Variants in SLC7A14 observed in about 807,000 individuals in gnomAD.
The protein encoded by SLC7A14 is solute carrier family 7 member 14.
SLC7A14 carries 37 observed loss-of-function variants against 60.2 expected under a neutral mutation model. The ratio of observed to expected loss-of-function variants is 0.61; its 90% CI spans 0.47 to 0.81. SLC7A14 has a LOEUF of 0.81. SLC7A14 is among the 30% of genes least tolerant of loss of function. The probability of loss-of-function intolerance (pLI) is 0.00; values close to 1 mark genes in which losing one functional copy is unlikely to be tolerated. For missense variants in SLC7A14, 886 were observed against 982.7 expected (o/e 0.90, Z 1.32); for synonymous variants, 399 against 395.8 (o/e 1.01, Z -0.10).
chr3:170,500,438 C>CA (rs66971540), intron 3 of SLC7A14, among the ~76,000 whole-genome samples: 945 of 55,532 alleles, frequency 0.017, 38 homozygotes, highest in Non-Finnish European at 0.023. Context: ...GACTCTGTCT[C>CA]AAAAAAAAAA....
intron 4 of SLC7A14, among the ~76,000 whole-genome samples, chr3:170,494,850 A>G (rs1050847293): frequency 6.6e-6 from 1 of 152,234 alleles, no homozygotes; most frequent in Non-Finnish European, 1.5e-5. Context: ...TTATTACCTT[A>G]CTACTTACTA....
chr3:170,466,344 C>T lies in SLC7A14; in HGVS notation c.*711G>A, dbSNP rs10936636. 54,831 of 151,932 alleles carry T rather than the reference C, an allele frequency of 0.36. 11,419 individuals are homozygous for T. The highest frequency in any genetic ancestry group is 0.47 in the Non-Finnish European group (32,233 of 67,924). 9.4% of individuals were successfully genotyped at this position (151,932 alleles called of 1,614,324 possible). A position where few individuals can be genotyped will look rare whatever the true frequency, so the allele number is the denominator to read the frequency against. Reference sequence around the variant, plus strand: ...CTGCCAATGCCCTTCTGGCTTTTACCGCAAGATATGGTTATTTAATTTTCT... The same window carrying T: ...CTGCCAATGCCCTTCTGGCTTTTACTGCAAGATATGGTTATTTAATTTTCT... On this transcript the variant is annotated 3_prime_UTR_variant, in exon 8 of 8. Coordinates refer to ENST00000231706, the MANE Select transcript of SLC7A14 (RefSeq NM_020949.3).
At chr3:170,580,189 C>T (rs1715198256) in intron 1 of SLC7A14, among the ~76,000 whole-genome samples, 3 of 152,194 alleles carry the variant, frequency 2.0e-5, no homozygotes, top group Admixed American at 2.0e-4. Flanking sequence ...ACATCCTTAA[C>T]CACAACATTT....
chr3:170,518,115 T>C (rs1713226973), intron 2 of SLC7A14, among the ~76,000 whole-genome samples: 1 of 152,190 alleles, frequency 6.6e-6, no homozygotes, highest in Non-Finnish European at 1.5e-5. Flanking sequence ...CCTCTGACTC[T>C]GGTTCCTCAT....
chr3:170,556,272 A>G (rs750129568), intron 1 of SLC7A14, among the ~76,000 whole-genome samples: 40 of 152,202 alleles, frequency 2.6e-4, no homozygotes, highest in Admixed American at 5.9e-4. Context: ...TTATATGGCA[A>G]ATTCATTTTC....
At chr3:170,507,357 A>G (rs1712814152) in intron 2 of SLC7A14, among the ~76,000 whole-genome samples, 1 of 152,196 alleles carries the variant, frequency 6.6e-6, no homozygotes, top group Admixed American at 6.5e-5. Context: ...TAAACAGCTG[A>G]TTCCATGTGG....
chr3:170,517,715 T>C (rs919102651), intron 2 of SLC7A14, among the ~76,000 whole-genome samples: 5 of 152,170 alleles, frequency 3.3e-5, no homozygotes, highest in Admixed American at 6.5e-5. Context: ...TGGAGAGACA[T>C]CTGCTCAACA....
intron 2 of SLC7A14, among the ~76,000 whole-genome samples, chr3:170,519,580 A>G (rs1270923470): frequency 6.6e-6 from 1 of 152,260 alleles, no homozygotes; most frequent in Admixed American, 6.5e-5. Context: ...GTTTCAGACC[A>G]GCCTGGCCAA....
intron 1 of SLC7A14, among the ~76,000 whole-genome samples, chr3:170,528,649 T>C (rs1485313731): frequency 5.3e-5 from 8 of 152,224 alleles, no homozygotes; most frequent in Non-Finnish European, 7.3e-5. Flanking sequence ...TTCCTAGCTT[T>C]GACAGTGTGG....
At chr3:170,496,312 G>A in intron 4 of SLC7A14, 1 of 1,029,122 alleles carries the variant, frequency 9.7e-7, no homozygotes, top group Non-Finnish European at 1.5e-6. Flanking sequence ...ACGCTGGCTG[G>A]CAAGCACGGG....
At chr3:170,518,040 C>T (rs918078483) in intron 2 of SLC7A14, among the ~76,000 whole-genome samples, 1 of 152,198 alleles carries the variant, frequency 6.6e-6, no homozygotes, top group African/African-American at 2.4e-5. Flanking sequence ...TGGAATCCTA[C>T]AGTCATAGAT....
At chr3:170,473,184 AC>A (rs1377904163) in intron 7 of SLC7A14, among the ~76,000 whole-genome samples, 1 of 151,990 alleles carries the variant, frequency 6.6e-6, no homozygotes, top group Non-Finnish European at 1.5e-5. Flanking sequence ...ATACCTGCTC[AC>A]CCCCCTGTGT....
At chr3:170,498,379 C>A (rs1348164645) in intron 4 of SLC7A14, among the ~76,000 whole-genome samples, 1 of 151,968 alleles carries the variant, frequency 6.6e-6, no homozygotes, top group Non-Finnish European at 1.5e-5. Context: ...ATAGTACGTG[C>A]AAAGACACTT....
intron 1 of SLC7A14, among the ~76,000 whole-genome samples, chr3:170,529,694 C>G (rs1713616532): frequency 6.6e-6 from 1 of 152,084 alleles, no homozygotes; most frequent in South Asian, 2.1e-4. Context: ...GTCCTAGCCA[C>G]CACACCTCAG....
At chr3:170,529,406 G>C (rs1473844509) in intron 1 of SLC7A14, among the ~76,000 whole-genome samples, 1 of 152,190 alleles carries the variant, frequency 6.6e-6, no homozygotes, top group Admixed American at 6.5e-5. Context: ...CTTCACTATT[G>C]TGGCTTCAGT....
intron 1 of SLC7A14, among the ~76,000 whole-genome samples, chr3:170,542,408 C>T (rs983045316): frequency 6.6e-6 from 1 of 152,312 alleles, no homozygotes; most frequent in Non-Finnish European, 1.5e-5. Flanking sequence ...CCCACCGGCA[C>T]CAGGCCACTC....
chr3:170,536,141 G>A (rs1054643785), intron 1 of SLC7A14, among the ~76,000 whole-genome samples: 1 of 152,190 alleles, frequency 6.6e-6, no homozygotes, highest in Non-Finnish European at 1.5e-5. Context: ...AAATACAGGA[G>A]AAATAATAGT....
At chr3:170,549,906 G>A (rs1162481597) in intron 1 of SLC7A14, among the ~76,000 whole-genome samples, 1 of 152,204 alleles carries the variant, frequency 6.6e-6, no homozygotes, top group African/African-American at 2.4e-5. Context: ...AATTCCAGGG[G>A]CAGAGGTCTG....
chr3:170,466,844 A>G lies in SLC7A14; in HGVS notation c.*211T>C. 1 of 513,318 alleles carries G rather than the reference A, an allele frequency of 1.9e-6. No individual in the cohort carries two copies. The highest frequency in any genetic ancestry group is 3.4e-6 in the Non-Finnish European group (1 of 294,152). 31.8% of individuals were successfully genotyped at this position (513,318 alleles called of 1,614,324 possible). A position where few individuals can be genotyped will look rare whatever the true frequency, so the allele number is the denominator to read the frequency against. On this transcript the variant is annotated 3_prime_UTR_variant, in exon 8 of 8. Coordinates refer to ENST00000231706, the MANE Select transcript of SLC7A14 (RefSeq NM_020949.3). ...TCTTGTTTATTTATTTATTTTATTTAACAAGGCGACCAGTTAGGGGACCCA... is the reference window on the plus strand; with the variant it reads ...TCTTGTTTATTTATTTATTTTATTTGACAAGGCGACCAGTTAGGGGACCCA...
Sources: gnomAD v4.1 joint callset for allele counts (sites outside exome capture counted in the v4.1 genomes callset) on GRCh38, gnomAD v4.1.1 for gene constraint, MANE v1.5 for transcripts, NCBI Gene and HGNC (gene_info 2026-07-23, HGNC 2026-07-21) for gene names.